Variants in KCMF1 observed in about 807,000 individuals in gnomAD.
The protein encoded by KCMF1 is E3 ubiquitin-protein ligase KCMF1.
KCMF1 carries 3 observed loss-of-function variants against 41.1 expected under a neutral mutation model. The ratio of observed to expected loss-of-function variants is 0.07; its 90% CI spans 0.03 to 0.19. The LOEUF (loss-of-function observed/expected upper bound fraction) is 0.19. Ranked by LOEUF, KCMF1 falls within the 10% of genes least tolerant of loss-of-function variation. The pLI is 1.00. For synonymous variants in KCMF1, 142 were observed against 164.5 expected (o/e 0.86, Z 1.04); for missense variants, 286 against 488.9 (o/e 0.58, Z 3.91).
At chr2:85,030,619 C>T (rs985066556) in intron 2 of KCMF1, among the ~76,000 whole-genome samples, 3 of 152,106 alleles carry the variant, frequency 2.0e-5, no homozygotes, top group African/African-American at 7.2e-5. Flanking sequence ...TGTCTTGGCA[C>T]TCTTGTTAAA....
chr2:84,981,239 G>C (rs1414473478), intron 1 of KCMF1, among the ~76,000 whole-genome samples: 1 of 151,358 alleles, frequency 6.6e-6, no homozygotes, highest in Non-Finnish European at 1.5e-5. Context: ...GCCCAGGCTG[G>C]AGCGCAGTGG....
chr2:85,000,249 C>G (rs1253927570), intron 1 of KCMF1, among the ~76,000 whole-genome samples: 2 of 152,040 alleles, frequency 1.3e-5, no homozygotes, highest in African/African-American at 4.8e-5. Flanking sequence ...CCTCAGCCTC[C>G]CGAGTAGCTG....
At position 85,046,088 on chromosome 2, in the gene KCMF1, T is replaced by C. The variant is rs1675660444; in HGVS notation, c.427-16T>C. The C allele has an allele frequency of 1.3e-6, 2 of 1,587,980 alleles. No individual in the cohort carries two copies. The highest frequency in any genetic ancestry group is 2.7e-5 in the African/African-American group (2 of 73,646). On this transcript the variant is annotated splice_polypyrimidine_tract_variant and intron_variant, in intron 4 of 6. Transcript: ENST00000409785. ...TCTGTGAAATACTTTCGTTTTTTTCTTAACTTTTGGGTTATGATGAATCGA... is the reference window on the plus strand; with the variant it reads ...TCTGTGAAATACTTTCGTTTTTTTCCTAACTTTTGGGTTATGATGAATCGA...
In KCMF1 at chr2:85,005,136, AC is replaced by A. The variant is rs1202835000; in HGVS notation, c.17-22751del. On this transcript the variant is annotated intron_variant, in intron 1 of 6. Coordinates refer to ENST00000409785, the MANE Select transcript of KCMF1 (RefSeq NM_020122.5). ...TGGCCAGGCTGGTCTTGAACTCCTGACCTCACAAGATCCACCCGCCTCAGCC... is the reference window on the plus strand; with the variant it reads ...TGGCCAGGCTGGTCTTGAACTCCTGACTCACAAGATCCACCCGCCTCAGCC... 3.9e-5 allele frequency among the ~76,000 whole-genome samples: 6 copies of A among 152,042 alleles called. No homozygotes were observed. The South Asian group carries it at 1.2e-3, about 32-fold the overall frequency.
intron 1 of KCMF1, among the ~76,000 whole-genome samples, chr2:84,989,959 G>A (rs1673997477): frequency 6.6e-6 from 1 of 152,196 alleles, no homozygotes; most frequent in African/African-American, 2.4e-5. Flanking sequence ...ACTGAATTGA[G>A]CATTGGAGGA....
chr2:85,018,088 G>T (rs1019056454), intron 1 of KCMF1, among the ~76,000 whole-genome samples: 4 of 152,064 alleles, frequency 2.6e-5, no homozygotes, highest in Admixed American at 6.6e-5. Context: ...ATCTGTGACA[G>T]TGTTGAAAAA....
In KCMF1 at chr2:85,035,054, C is replaced by G; in HGVS notation, c.223C>G (p.Pro75Ala). Residue 75 changes from proline (P) to alanine (A), a missense_variant, in exon 3 of 7, where the codon CCA becomes GCA. Coordinates refer to ENST00000409785, the MANE Select transcript of KCMF1 (RefSeq NM_020122.5). ...YGGEAFSVEQ[P>A]QSFTCPYCGK... is the part of the protein sequence containing the mutation. Reference sequence around the variant, plus strand: ...TGGGGAAGCTTTCTCTGTAGAGCAGCCACAGTCTTTTACTTGTCCCTATTG... The same window carrying G: ...TGGGGAAGCTTTCTCTGTAGAGCAGGCACAGTCTTTTACTTGTCCCTATTG... 1 of 1,613,012 alleles carries G rather than the reference C, an allele frequency of 6.2e-7. No individual in the cohort carries two copies. The highest frequency in any genetic ancestry group is 8.5e-7 in the Non-Finnish European group (1 of 1,179,160).
At chr2:85,044,364 GCTTTT>G (rs1369136002) in intron 4 of KCMF1, among the ~76,000 whole-genome samples, 10 of 151,748 alleles carry the variant, frequency 6.6e-5, no homozygotes, top group African/African-American at 9.7e-5. Context: ...TTCCTTTCCT[GCTTTT>G]CTTTTCTTTT....
intron 4 of KCMF1, 137 bp from the exon 5 acceptor site, chr2:85,045,967 C>T (rs947314977): frequency 1.4e-6 from 1 of 689,698 alleles, no homozygotes; most frequent in Admixed American, 3.0e-5. Flanking sequence ...AGAGTTGGGA[C>T]ATTTGCACTT....
intron 1 of KCMF1, among the ~76,000 whole-genome samples, chr2:85,014,817 TC>T (rs761969649): frequency 6.6e-6 from 1 of 151,402 alleles, no homozygotes; most frequent in Non-Finnish European, 1.5e-5. Context: ...CAAGCAGTCC[TC>T]CTGCCTCAGC....
chr2:85,014,716 CGTGCGTGCGT>C (rs1674726245), intron 1 of KCMF1, among the ~76,000 whole-genome samples: 1 of 142,148 alleles, frequency 7.0e-6, no homozygotes, highest in Admixed American at 7.0e-5. Flanking sequence ...CGCGTGCGTG[CGTGCGTGCGT>C]GTGTGTGTGT....
chr2:85,003,695 C>G (rs1674391466), intron 1 of KCMF1, among the ~76,000 whole-genome samples: 1 of 152,060 alleles, frequency 6.6e-6, no homozygotes, highest in Non-Finnish European at 1.5e-5. Flanking sequence ...CTCTAGGAAT[C>G]CTCCTGCCTA....
At chr2:84,989,008 C>G (rs1178309166) in intron 1 of KCMF1, among the ~76,000 whole-genome samples, 1 of 152,146 alleles carries the variant, frequency 6.6e-6, no homozygotes, top group African/African-American at 2.4e-5. Flanking sequence ...CTAAGTTCCC[C>G]CCACCCTATC....
intron 4 of KCMF1, 147 bp from the exon 5 acceptor site, chr2:85,045,957 A>G: frequency 1.6e-6 from 1 of 641,730 alleles, no homozygotes; most frequent in Non-Finnish European, 2.7e-6. Flanking sequence ...CCTCATAGAT[A>G]GAGTTGGGAC....
At chr2:84,983,400 C>T (rs1052532625) in intron 1 of KCMF1, among the ~76,000 whole-genome samples, 1 of 151,956 alleles carries the variant, frequency 6.6e-6, no homozygotes, top group Non-Finnish European at 1.5e-5. Flanking sequence ...GATCGTACCT[C>T]ACTGCAGCCT....
intron 4 of KCMF1, among the ~76,000 whole-genome samples, chr2:85,044,373 T>C (rs868220700): frequency 1.3e-4 from 19 of 151,960 alleles, no homozygotes; most frequent in African/African-American, 4.4e-4. Context: ...TGCTTTTCTT[T>C]TCTTTTCTTT....
At chr2:85,047,444 A>G (rs1384362783) in intron 5 of KCMF1, among the ~76,000 whole-genome samples, 2 of 152,128 alleles carry the variant, frequency 1.3e-5, no homozygotes, top group Non-Finnish European at 2.9e-5. Context: ...ACATTTCAGA[A>G]CTGTTATCTA....
In KCMF1 at chr2:85,018,302, C is replaced by T. The variant is rs115549957; in HGVS notation, c.17-9587C>T. ...TTTTTTTTTTTTTGAGACGGAGTCCCGCTCTGTCACCAGACTGGAGTGCAG... is the reference window on the plus strand; with the variant it reads ...TTTTTTTTTTTTTGAGACGGAGTCCTGCTCTGTCACCAGACTGGAGTGCAG... On this transcript the variant is annotated intron_variant, in intron 1 of 6. Transcript: ENST00000409785. Among the ~76,000 whole-genome samples, 1,481 of 148,214 alleles carry T rather than the reference C, an allele frequency of 1.0e-2. 20 individuals are homozygous for T. The highest frequency in any genetic ancestry group is 0.034 in the African/African-American group (1,386 of 40,180).
chr2:85,004,366 G>C (rs1450846251), intron 1 of KCMF1, among the ~76,000 whole-genome samples: 1 of 152,002 alleles, frequency 6.6e-6, no homozygotes, highest in African/African-American at 2.4e-5. Context: ...AAAAAATTAG[G>C]CAGGCATGGT....
Sources: allele counts gnomAD v4.1 joint callset (sites outside exome capture counted in the v4.1 genomes callset), GRCh38; gene constraint gnomAD v4.1.1; transcripts MANE v1.5; gene names NCBI Gene and HGNC (gene_info 2026-07-23, HGNC 2026-07-21).